HS2ST1: variants seen among roughly 807,000 people sequenced by gnomAD.
HS2ST1 encodes the protein 2-O-sulfotransferase.
A neutral mutation model predicts 42.9 loss-of-function variants in HS2ST1; 18 were observed. That is an observed-to-expected ratio of 0.42 (90% CI 0.29 to 0.62). HS2ST1 has a LOEUF of 0.62. HS2ST1 is among the 20% of genes least tolerant of loss of function. The pLI is 0.21. For synonymous variants in HS2ST1, 146 were observed against 152.9 expected (o/e 0.95, Z 0.33); for missense variants, 334 against 433.8 (o/e 0.77, Z 2.04).
chr1:86,961,338 A>G (rs1647838100), intron 1 of HS2ST1, among the ~76,000 whole-genome samples: 1 of 152,094 alleles, frequency 6.6e-6, no homozygotes, highest in Non-Finnish European at 1.5e-5. Flanking sequence ...AAGGGAAAAC[A>G]TATACTATGA....
At chr1:87,025,467 C>T (rs1650060033) in intron 1 of HS2ST1, among the ~76,000 whole-genome samples, 1 of 152,060 alleles carries the variant, frequency 6.6e-6, no homozygotes, top group African/African-American at 2.4e-5. Flanking sequence ...AGATCCTCAG[C>T]CCTAGGATCA....
intron 1 of HS2ST1, among the ~76,000 whole-genome samples, chr1:87,024,553 G>C (rs898915516): frequency 6.6e-6 from 1 of 151,422 alleles, no homozygotes; most frequent in African/African-American, 2.4e-5. Context: ...GATTAGGTTT[G>C]AGTGCTCTGC....
At chr1:86,982,026 G>T (rs760228552) in intron 1 of HS2ST1, among the ~76,000 whole-genome samples, 1 of 152,244 alleles carries the variant, frequency 6.6e-6, no homozygotes, top group East Asian at 1.9e-4. Context: ...CCAAACATCA[G>T]TTCTTGTCTT....
chr1:87,004,356 G>T (rs1325715861), intron 1 of HS2ST1, among the ~76,000 whole-genome samples: 2 of 152,104 alleles, frequency 1.3e-5, no homozygotes, highest in Non-Finnish European at 2.9e-5. Context: ...ACGCCACTGT[G>T]CTCCAGCCTG....
chr1:86,922,419 T>TTGTGTG (rs150775849), intron 1 of HS2ST1, among the ~76,000 whole-genome samples: 3,165 of 147,824 alleles, frequency 0.021, 83 homozygotes, highest in African/African-American at 0.066. Context: ...GTTCTTCATT[T>TTGTGTG]TGTGTGTGTG....
At chr1:87,030,059 A>T (rs1650189535) in intron 1 of HS2ST1, among the ~76,000 whole-genome samples, 1 of 152,166 alleles carries the variant, frequency 6.6e-6, no homozygotes, top group Non-Finnish European at 1.5e-5. Context: ...GCTTGCTCTT[A>T]TCTGTGTTTT....
intron 2 of HS2ST1, among the ~76,000 whole-genome samples, chr1:87,075,016 G>A (rs1651501517): frequency 6.6e-6 from 1 of 151,610 alleles, no homozygotes; most frequent in Non-Finnish European, 1.5e-5. Flanking sequence ...TTTTAATCTA[G>A]TAAGCTTCAT....
At chr1:86,997,477 G>A (rs1649137877) in intron 1 of HS2ST1, among the ~76,000 whole-genome samples, 1 of 139,168 alleles carries the variant, frequency 7.2e-6, no homozygotes, top group African/African-American at 2.7e-5. Context: ...ATTCACCTGT[G>A]TAAATTGTGT....
intron 1 of HS2ST1, among the ~76,000 whole-genome samples, chr1:86,936,370 T>C (rs1420862109): frequency 6.6e-6 from 1 of 152,250 alleles, no homozygotes; most frequent in Admixed American, 6.5e-5. Context: ...ATACTTTTTG[T>C]GCCTAATTTT....
chr1:87,078,494 A>G (rs1200375160), intron 2 of HS2ST1, among the ~76,000 whole-genome samples: 16 of 152,188 alleles, frequency 1.1e-4, no homozygotes, highest in Non-Finnish European at 2.4e-4. Flanking sequence ...ATATCTGACT[A>G]CTACATCTGA....
intron 1 of HS2ST1, among the ~76,000 whole-genome samples, chr1:87,038,476 A>C (rs980666826): frequency 2.6e-5 from 4 of 152,152 alleles, no homozygotes; most frequent in Non-Finnish European, 4.4e-5. Flanking sequence ...TGGAAATTCA[A>C]ATTCAATAAA....
At chr1:87,028,677 T>C (rs1054280752) in intron 1 of HS2ST1, among the ~76,000 whole-genome samples, 1 of 152,212 alleles carries the variant, frequency 6.6e-6, no homozygotes, top group Non-Finnish European at 1.5e-5. Context: ...TACACACACG[T>C]TTTTGCAAAC....
intron 1 of HS2ST1, among the ~76,000 whole-genome samples, chr1:87,021,234 G>A (rs1047541495): frequency 1.3e-5 from 2 of 152,010 alleles, no homozygotes. Flanking sequence ...TGTCCTTCAG[G>A]TGTGTTTCTC....
chr1:87,020,442 C>T (rs918319235), intron 1 of HS2ST1, among the ~76,000 whole-genome samples: 2 of 152,230 alleles, frequency 1.3e-5, no homozygotes, highest in African/African-American at 4.8e-5. Flanking sequence ...CACTTTCCCA[C>T]ATGAATGCTC....
intron 1 of HS2ST1, among the ~76,000 whole-genome samples, chr1:87,067,871 T>C (rs1297469832): frequency 6.6e-6 from 1 of 152,206 alleles, no homozygotes; most frequent in Admixed American, 6.5e-5. Context: ...AAAGATCAGA[T>C]GGTTCTAGAT....
At chr1:86,980,844 T>G (rs754321057) in intron 1 of HS2ST1, among the ~76,000 whole-genome samples, 14 of 152,240 alleles carry the variant, frequency 9.2e-5, no homozygotes, top group Non-Finnish European at 1.9e-4. Flanking sequence ...AATTGTCATT[T>G]TTATAAGAAA....
At chr1:87,018,244 T>C (rs1649821730) in intron 1 of HS2ST1, among the ~76,000 whole-genome samples, 1 of 152,108 alleles carries the variant, frequency 6.6e-6, no homozygotes, top group Non-Finnish European at 1.5e-5. Context: ...CCTTTAAATA[T>C]TTTTCCTTTG....
At chr1:86,990,810 TTTTA>T (rs1159757168) in intron 1 of HS2ST1, among the ~76,000 whole-genome samples, 4 of 53,456 alleles carry the variant, frequency 7.5e-5, no homozygotes, top group African/African-American at 2.2e-4. Context: ...GCCTGGCTAA[TTTTA>T]TATATATATA....
At chr1:87,098,664 T>C (rs1219139503) in intron 5 of HS2ST1, among the ~76,000 whole-genome samples, 1 of 152,226 alleles carries the variant, frequency 6.6e-6, no homozygotes, top group East Asian at 1.9e-4. Flanking sequence ...AGCCTCATAA[T>C]AGTATAAGAA....
Sources: allele counts gnomAD v4.1 joint callset (sites outside exome capture counted in the v4.1 genomes callset), GRCh38; gene constraint gnomAD v4.1.1; transcripts MANE v1.5; gene names NCBI Gene and HGNC (gene_info 2026-07-23, HGNC 2026-07-21).